Variants in NCAN observed in about 807,000 individuals in gnomAD.
The protein encoded by NCAN is neurocan.
NCAN carries 47 observed loss-of-function variants against 121.8 expected under a neutral mutation model. The ratio of observed to expected loss-of-function variants is 0.39; its 90% CI spans 0.31 to 0.49. The LOEUF (loss-of-function observed/expected upper bound fraction) is 0.49, where lower values mean the gene tolerates loss of function less well. Among genes scored for constraint, NCAN ranks in the 20% least tolerant of loss-of-function variants. The pLI, the probability that NCAN is intolerant of heterozygous loss-of-function variation, is 0.92. For missense variants in NCAN, 1,517 were observed against 1,773.4 expected, an observed-to-expected ratio of 0.86 and a Z score of 2.60; for synonymous variants, 633 against 702.0, an observed-to-expected ratio of 0.90 and a Z score of 1.55.
In NCAN at chr19:19,247,196, C is replaced by A. The variant is rs1426366518; in HGVS notation, c.3638-1504C>A. Among the ~76,000 whole-genome samples the A allele has an allele frequency of 2.0e-5, 3 of 152,188 alleles. No individual in the cohort carries two copies. In the East Asian group the frequency reaches 5.8e-4, roughly 29 times the overall value. ...GAACTCCAGGGCTCAAGTGATACTC[C>A]TACCTCAGTCTTACCAGTAGCTGGA... On this transcript the variant is annotated intron_variant, in intron 13 of 14. Coordinates refer to ENST00000252575, the MANE Select transcript of NCAN (RefSeq NM_004386.3).
At chr19:19,249,037 T>G in intron 14 of NCAN, 155 bp downstream of exon 14, 8 of 731,178 alleles carry the variant, frequency 1.1e-5, no homozygotes, top group Non-Finnish European at 1.8e-5. Flanking sequence ...GTCTGATGTT[T>G]CCTTCATTTG....
intron 6 of NCAN, among the ~76,000 whole-genome samples, chr19:19,226,037 C>A (rs747190264): frequency 6.6e-6 from 1 of 152,136 alleles, no homozygotes; most frequent in South Asian, 2.1e-4. Flanking sequence ...TCAAGCAATT[C>A]TCCTGCCTCA....
At chr19:19,247,126 A>G (rs2060927138) in intron 13 of NCAN, among the ~76,000 whole-genome samples, 1 of 152,112 alleles carries the variant, frequency 6.6e-6, no homozygotes, top group Non-Finnish European at 1.5e-5. Flanking sequence ...AATGTTGCCC[A>G]GGCTGGAGTA....
chr19:19,229,025 T>A (rs1261714055), intron 8 of NCAN, among the ~76,000 whole-genome samples: 1 of 152,046 alleles, frequency 6.6e-6, no homozygotes, highest in Non-Finnish European at 1.5e-5. Context: ...CTGGCCAACA[T>A]GGCAAAACTC....
chr19:19,233,965 G>A, intron 9 of NCAN, 60 bp downstream of exon 9: 1 of 1,100,548 alleles, frequency 9.1e-7, no homozygotes, highest in Non-Finnish European at 1.4e-6. Flanking sequence ...GCCTTGGGTT[G>A]TACTCCAGCA....
chr19:19,248,035 C>G (rs970834133), intron 13 of NCAN, among the ~76,000 whole-genome samples: 1 of 152,098 alleles, frequency 6.6e-6, no homozygotes, highest in Non-Finnish European at 1.5e-5. Flanking sequence ...GTAGTCTCAG[C>G]TACTTGAGAG....
chr19:19,251,650 G>A lies in NCAN; in HGVS notation c.*1739G>A, dbSNP rs1415552848. 6.6e-6 allele frequency: 1 copy of A among 152,148 alleles called. No homozygotes were observed. Among genetic ancestry groups the A allele is most frequent in the Non-Finnish European group, 1.5e-5 (1 of 68,040 alleles). 9.4% of individuals were successfully genotyped at this position (152,148 alleles called of 1,614,324 possible). On this transcript the variant is annotated 3_prime_UTR_variant, in exon 15 of 15. Transcript: ENST00000252575. ...CCCAAATCCTGCTCTGGACTCTGGA[G>A]AGGAGATTGAAATATAATTGCACCC... is the stretch of plus-strand genomic sequence containing the variant.
intron 8 of NCAN, among the ~76,000 whole-genome samples, chr19:19,228,869 G>T (rs1294903316): frequency 6.6e-6 from 1 of 152,214 alleles, no homozygotes; most frequent in Non-Finnish European, 1.5e-5. Flanking sequence ...AGTAGCGCTT[G>T]ATCAATTTCG....
At chr19:19,244,709 C>G (rs10407305) in intron 12 of NCAN, among the ~76,000 whole-genome samples, 4,193 of 149,040 alleles carry the variant, frequency 0.028, 214 homozygotes, top group African/African-American at 0.099. Context: ...CACCATGTAT[C>G]TTTTTTCTTT....
chr19:19,227,413 C>T lies in NCAN; in HGVS notation c.1793C>T (p.Ala598Val), dbSNP rs2060841559. The T allele has an allele frequency of 6.2e-7, 1 of 1,613,640 alleles. No homozygotes were observed. The highest frequency in any genetic ancestry group is 8.5e-7 in the Non-Finnish European group (1 of 1,179,926). ...EKAEGPSARP[A>V]TPDLFWSPLE... ...GCCGAGGGCCCCAGTGCCAGGCCAG[C>T]CACCCCAGACCTGTTTTGGTCCCCC... The change falls in exon 8 of 15, where the codon GCC (alanine) becomes GTC (valine). Residue 598 changes from alanine to valine, a missense_variant. Physicochemically the swap from Ala to Val is moderately conservative, Grantham distance 64. Coordinates refer to ENST00000252575, the MANE Select transcript of NCAN (RefSeq NM_004386.3). The surrounding 1 kb of genome is among the most constrained non-coding windows in gnomAD (Gnocchi z 4.2).
intron 11 of NCAN, among the ~76,000 whole-genome samples, chr19:19,239,302 A>G (rs1005995295): frequency 7.3e-5 from 11 of 150,760 alleles, no homozygotes; most frequent in African/African-American, 2.7e-4. Flanking sequence ...GTGAGGATGC[A>G]CCTCCAGCCT....
Position 19,226,804 on chromosome 19 carries a change from C to T in NCAN, c.1391C>T (p.Ala464Val). The change falls in exon 7 of 15, where the codon GCA becomes GTA. Residue 464 changes from alanine to valine, a missense_variant. By Grantham distance (64) the Ala-to-Val change is moderately conservative. Transcript: ENST00000252575. The stretch of plus-strand genomic sequence containing the variant: ...AGCGACATGGGGGCAGGCACTGCAG[C>T]AAGTTCACACACGGAGGTGGCCCCA... ...SPSDMGAGTA[A>V]SSHTEVAPTD... 6.2e-7 allele frequency: 1 copy of T among 1,613,352 alleles called. No individual in the cohort carries two copies. Among genetic ancestry groups the T allele is most frequent in the Non-Finnish European group, 8.5e-7 (1 of 1,179,972 alleles).
chr19:19,239,247 C>T (rs1235985414), intron 11 of NCAN, among the ~76,000 whole-genome samples: 1 of 152,028 alleles, frequency 6.6e-6, no homozygotes, highest in Non-Finnish European at 1.5e-5. Context: ...CATGCCTCAC[C>T]CCCCTAAAAG....
intron 1 of NCAN, among the ~76,000 whole-genome samples, chr19:19,215,993 A>T (rs1263038537): frequency 2.6e-5 from 4 of 152,186 alleles, no homozygotes; most frequent in African/African-American, 9.7e-5. Context: ...ACCTGATGTT[A>T]TCCCCATCTG....
chr19:19,238,601 ATTCAC>A (rs2060890746), intron 11 of NCAN, 190 bp downstream of exon 11: 1 of 641,554 alleles, frequency 1.6e-6, no homozygotes, highest in East Asian at 2.8e-5. Flanking sequence ...TAATTCATAC[ATTCAC>A]TTCATTCATT....
chr19:19,225,541 G>T lies in NCAN; in HGVS notation c.1072+271G>T, dbSNP rs1296796630. ...TGCTGGGTGGGCTGTATCTCCTGAGGTCCGGAGGCCCCATAACCTTGAAAG... is the reference window on the plus strand; with the variant it reads ...TGCTGGGTGGGCTGTATCTCCTGAGTTCCGGAGGCCCCATAACCTTGAAAG... On this transcript the variant is annotated intron_variant, in intron 6 of 14. Transcript: ENST00000252575. This position sits in a 1 kb window ranked among gnomAD's most constrained non-coding sequence, Gnocchi z 4.0. Among the ~76,000 whole-genome samples the T allele has an allele frequency of 6.6e-6, 1 of 152,216 alleles. No homozygotes were observed. Among genetic ancestry groups the T allele is most frequent in the African/African-American group, 2.4e-5 (1 of 41,450 alleles).
intron 13 of NCAN, 84 bp downstream of exon 13, chr19:19,245,541 A>G: frequency 7.4e-6 from 11 of 1,486,306 alleles, no homozygotes; most frequent in Non-Finnish European, 9.1e-6. Flanking sequence ...GCAGTGGCAT[A>G]ATCATGGCTC....
At position 19,247,622 on chromosome 19, in the gene NCAN, C is replaced by A. The variant is rs536362694; in HGVS notation, c.3638-1078C>A. 2.0e-5 allele frequency among the ~76,000 whole-genome samples: 3 copies of A among 152,140 alleles called. No homozygotes were observed. In the South Asian group the frequency reaches 6.2e-4, roughly 32 times the overall value. ...CCCAGGCTGGTCTCAAACTCCCGGA[C>A]TGAAGCAATCCTTCCACCTCAGCCT... On this transcript the variant is annotated intron_variant, in intron 13 of 14. Coordinates refer to ENST00000252575, the MANE Select transcript of NCAN (RefSeq NM_004386.3).
At chr19:19,245,571 G>A in intron 13 of NCAN, 114 bp downstream of exon 13, 6 of 1,255,512 alleles carry the variant, frequency 4.8e-6, no homozygotes, top group Non-Finnish European at 6.5e-6. Flanking sequence ...TCCACCGCCT[G>A]GGTTCAAGCC....
Sources: allele counts gnomAD v4.1 joint callset (sites outside exome capture counted in the v4.1 genomes callset), GRCh38; gene constraint gnomAD v4.1.1; non-coding constraint Gnocchi (gnomAD v3.1); transcripts MANE v1.5; gene names NCBI Gene and HGNC (gene_info 2026-07-23, HGNC 2026-07-21).